The following PSMA1 variants were observed in gnomAD, a reference collection of about 807,000 sequenced individuals.
The protein encoded by PSMA1 is proteasome 20S subunit alpha 1.
Under a neutral mutation model 38.4 loss-of-function variants are expected in PSMA1, and 3 were observed. That is an observed-to-expected ratio of 0.08 (90% CI 0.04 to 0.20). The LOEUF is 0.20. Ranked by LOEUF, PSMA1 falls within the 10% of genes least tolerant of loss-of-function variation. PSMA1 has a pLI of 1.00. For synonymous variants in PSMA1, 101 were observed against 107.1 expected, an observed-to-expected ratio of 0.94 and a Z score of 0.35; for missense variants, 227 against 325.3, an observed-to-expected ratio of 0.70 and a Z score of 2.32.
chr11:14,512,064 CAA>C, intron 7 of PSMA1, among the ~76,000 whole-genome samples: 1 of 152,236 alleles, frequency 6.6e-6, no homozygotes, highest in Middle Eastern at 3.4e-3. Flanking sequence ...CTGAAAACTA[CAA>C]AACATCAGTG....
chr11:14,523,603 T>G (rs1851553911), upstream of PSMA1, among the ~76,000 whole-genome samples: 1 of 151,444 alleles, frequency 6.6e-6, no homozygotes, highest in Non-Finnish European at 1.5e-5. Flanking sequence ...TTTTTTTTTT[T>G]TTTTTAAGAC....
Position 14,607,581 on chromosome 11 carries a change from T to A in PSMA1, c.21+3385A>T, listed in dbSNP as rs1418904327. 4.6e-5 allele frequency among the ~76,000 whole-genome samples: 7 copies of A among 152,220 alleles called. No homozygotes were observed. The East Asian group carries it at 1.4e-3, about 29-fold the overall frequency. ...CTATTATATAGTATGTAACTTTGGG[T>A]CCACTGAGAAGCAGACGCCAAGAAA... is the stretch of plus-strand genomic sequence containing the variant. On this transcript the variant is annotated intron_variant, in intron 2 of 10. Coordinates refer to the PSMA1 transcript ENST00000418988.
At chr11:14,622,625 C>T (rs746586765) in intron 1 of PSMA1, among the ~76,000 whole-genome samples, 11 of 152,300 alleles carry the variant, frequency 7.2e-5, no homozygotes, top group Admixed American at 2.6e-4. Flanking sequence ...CTGCATCTTG[C>T]GTGTGCCACC....
chr11:14,575,453 C>A (rs1852201724), intron 2 of PSMA1, among the ~76,000 whole-genome samples: 1 of 151,896 alleles, frequency 6.6e-6, no homozygotes, highest in Non-Finnish European at 1.5e-5. Flanking sequence ...TGTTCCCCAC[C>A]CTGTGTCCAT....
chr11:14,594,761 TTTC>T (rs1203931773), intron 2 of PSMA1, among the ~76,000 whole-genome samples: 3 of 152,090 alleles, frequency 2.0e-5, no homozygotes, highest in African/African-American at 7.2e-5. Flanking sequence ...ATGCATAACG[TTTC>T]TTTTTTTTAT....
chr11:14,631,723 T>C (rs981546201), intron 1 of PSMA1, among the ~76,000 whole-genome samples: 1 of 152,224 alleles, frequency 6.6e-6, no homozygotes, highest in Non-Finnish European at 1.5e-5. Context: ...GGTATCCTTG[T>C]TGACTTTCTG....
chr11:14,572,060 T>C (rs545071632), intron 2 of PSMA1, among the ~76,000 whole-genome samples: 10 of 152,114 alleles, frequency 6.6e-5, no homozygotes, highest in Non-Finnish European at 1.0e-4. Flanking sequence ...CATACAATAA[T>C]AATGGGAGAA....
intron 9 of PSMA1, among the ~76,000 whole-genome samples, chr11:14,505,977 C>G (rs911334216): frequency 6.6e-6 from 1 of 152,104 alleles, no homozygotes; most frequent in Non-Finnish European, 1.5e-5. Context: ...CACCACTGCA[C>G]GCCAGCCTGG....
intron 1 of PSMA1, among the ~76,000 whole-genome samples, chr11:14,639,036 A>AT (rs1458552470): frequency 6.6e-6 from 1 of 152,202 alleles, no homozygotes; most frequent in African/African-American, 2.4e-5. Context: ...TTTTAAAAGT[A>AT]TAATAGTAAA....
chr11:14,536,967 C>T (rs921140795), intron 2 of PSMA1, among the ~76,000 whole-genome samples: 1 of 152,184 alleles, frequency 6.6e-6, no homozygotes, highest in Non-Finnish European at 1.5e-5. Flanking sequence ...TTTCCTTTAG[C>T]TTGTTGCTGG....
At chr11:14,632,923 T>G (rs1853047015) in intron 1 of PSMA1, among the ~76,000 whole-genome samples, 1 of 151,120 alleles carries the variant, frequency 6.6e-6, no homozygotes. Flanking sequence ...TTCCAGTTGA[T>G]CGCATCGGCT....
intron 2 of PSMA1, among the ~76,000 whole-genome samples, chr11:14,530,953 T>TAGC (rs36060555): frequency 0.099 from 14,967 of 150,540 alleles, 1,109 homozygotes; most frequent in African/African-American, 0.22. Context: ...CTAGTAGTAG[T>TAGC]AGCAATAATT....
At chr11:14,521,236 T>C (rs1851522756), upstream of PSMA1, among the ~76,000 whole-genome samples, 2 of 144,424 alleles carry the variant, frequency 1.4e-5, no homozygotes, top group African/African-American at 2.6e-5. Flanking sequence ...GGGCGGAGGA[T>C]CGCTTGAACC....
intron 2 of PSMA1, among the ~76,000 whole-genome samples, chr11:14,554,235 T>A (rs901132958): frequency 1.3e-5 from 2 of 152,198 alleles, no homozygotes; most frequent in Admixed American, 6.5e-5. Flanking sequence ...CAGTGGTTTT[T>A]GGTTTGCAGA....
intron 1 of PSMA1, among the ~76,000 whole-genome samples, chr11:14,636,380 TC>T (rs1341328465): frequency 1.3e-5 from 2 of 152,210 alleles, no homozygotes; most frequent in African/African-American, 4.8e-5. Flanking sequence ...GTGACACCAC[TC>T]CTGTCTGATT....
intron 2 of PSMA1, among the ~76,000 whole-genome samples, chr11:14,571,162 T>C (rs1334768090): frequency 1.3e-5 from 2 of 152,186 alleles, no homozygotes; most frequent in Admixed American, 6.5e-5. Flanking sequence ...TCCCAGGTTC[T>C]CGCCATTCTC....
chr11:14,552,980 G>A (rs1234724899), intron 2 of PSMA1, among the ~76,000 whole-genome samples: 2 of 151,518 alleles, frequency 1.3e-5, no homozygotes, highest in Non-Finnish European at 1.5e-5. Flanking sequence ...CATGCATCAC[G>A]ACACCCAGCT....
At chr11:14,591,152 G>A (rs559572123) in intron 2 of PSMA1, among the ~76,000 whole-genome samples, 2 of 152,224 alleles carry the variant, frequency 1.3e-5, no homozygotes, top group East Asian at 1.9e-4. Context: ...GCCTGCACTC[G>A]GAGCAGCCGG....
chr11:14,596,503 G>A (rs1430285084), intron 2 of PSMA1, among the ~76,000 whole-genome samples: 1 of 152,134 alleles, frequency 6.6e-6, no homozygotes, highest in Non-Finnish European at 1.5e-5. Context: ...TCTCTTTGTA[G>A]CAATTGTGAA....
Sources: gnomAD v4.1 joint callset for allele counts (sites outside exome capture counted in the v4.1 genomes callset) on GRCh38, gnomAD v4.1.1 for gene constraint, MANE v1.5 for transcripts, NCBI Gene and HGNC (gene_info 2026-07-23, HGNC 2026-07-21) for gene names.